Variants in CCDC148 observed in about 807,000 individuals in gnomAD.
CCDC148 encodes coiled-coil domain-containing protein 148.
Under a neutral mutation model 85.7 loss-of-function variants are expected in CCDC148, and 89 were observed. That is an observed-to-expected ratio of 1.04 (90% CI 0.87 to 1.24). The LOEUF (loss-of-function observed/expected upper bound fraction) is 1.24. Ranked by LOEUF, CCDC148 falls within the 50% of genes most tolerant of loss-of-function variation. CCDC148 has a pLI of 0.00. For missense variants in CCDC148, 692 were observed against 671.7 expected (o/e 1.03, Z -0.33); for synonymous variants, 230 against 213.9 (o/e 1.08, Z -0.66).
At chr2:158,225,146 G>A (rs1465486832) in intron 10 of CCDC148, among the ~76,000 whole-genome samples, 1 of 152,128 alleles carries the variant, frequency 6.6e-6, no homozygotes, top group African/African-American at 2.4e-5. Context: ...ACAGGCAGGG[G>A]TTGCAATCCT....
chr2:158,407,743 A>G (rs1012312586), intron 1 of CCDC148, among the ~76,000 whole-genome samples: 1 of 152,120 alleles, frequency 6.6e-6, no homozygotes, highest in Non-Finnish European at 1.5e-5. Flanking sequence ...TCACTATTAT[A>G]TGTCTGGGTT....
Position 158,302,908 on chromosome 2 carries a change from T to C in CCDC148, c.1110+6525A>G, listed in dbSNP as rs959357189. ...GGTTCAGGCAGTAGTCGGGGAAAAC[T>C]TGGGGGATCAAAGAGCAGGTTTCAT... On this transcript the variant is annotated intron_variant, in intron 9 of 13. Transcript: ENST00000283233. Among the ~76,000 whole-genome samples the C allele has an allele frequency of 5.9e-5, 9 of 152,208 alleles. No homozygotes were observed. The East Asian group carries it at 1.7e-3, about 29-fold the overall frequency.
Position 158,215,543 on chromosome 2 carries a change from CTTTTTTTTT to C in CCDC148, c.1370+5043_1370+5051del. Among the ~76,000 whole-genome samples, 4 of 144,910 alleles carry C rather than the reference CTTTTTTTTT, an allele frequency of 2.8e-5. No individual in the cohort carries two copies. In the South Asian group the frequency reaches 8.8e-4, roughly 32 times the overall value. On this transcript the variant is annotated intron_variant, in intron 11 of 13. Transcript: ENST00000283233. ...AAGGAGGCACCTTTTTCTTTTTTTT[CTTTTTTTTT>C]TTAAATTATACTTTAAAGTTCTAGG...
At chr2:158,356,135 A>C (rs1052380233) in intron 2 of CCDC148, among the ~76,000 whole-genome samples, 3 of 128,592 alleles carry the variant, frequency 2.3e-5, no homozygotes, top group Non-Finnish European at 4.7e-5. Context: ...CCCTAGAAGA[A>C]AACCTAGGCA....
intron 1 of CCDC148, chr2:158,419,890 C>G (rs1390936671): frequency 6.6e-6 from 1 of 152,056 alleles, no homozygotes; most frequent in East Asian, 1.9e-4. Context: ...TTTTCCCACC[C>G]CTAGAAAGGA....
At chr2:158,443,860 A>G (rs1373119515) in intron 1 of CCDC148, among the ~76,000 whole-genome samples, 1 of 152,192 alleles carries the variant, frequency 6.6e-6, no homozygotes. Context: ...ACACCTCCTG[A>G]CTTTGAGATC....
chr2:158,336,865 C>T (rs1415934137), intron 7 of CCDC148, among the ~76,000 whole-genome samples: 2 of 152,016 alleles, frequency 1.3e-5, no homozygotes, highest in South Asian at 4.2e-4. Context: ...AGAATGCCTC[C>T]CCACCGTCTT....
chr2:158,406,547 C>CACT (rs1441775265), intron 1 of CCDC148, among the ~76,000 whole-genome samples: 3 of 151,130 alleles, frequency 2.0e-5, no homozygotes, highest in African/African-American at 7.3e-5. Context: ...AGTACATATA[C>CACT]ACTTTCGGTA....
intron 7 of CCDC148, among the ~76,000 whole-genome samples, chr2:158,332,652 C>G (rs1389275881): frequency 2.0e-5 from 3 of 151,720 alleles, no homozygotes; most frequent in Admixed American, 2.0e-4. Flanking sequence ...GGCTGTGAAT[C>G]CATCTGGTCC....
chr2:158,433,339 G>A (rs915260448), intron 1 of CCDC148, among the ~76,000 whole-genome samples: 1 of 148,960 alleles, frequency 6.7e-6, no homozygotes, highest in Non-Finnish European at 1.5e-5. Context: ...TAAAACTTTT[G>A]TCATAAAGAC....
intron 1 of CCDC148, among the ~76,000 whole-genome samples, chr2:158,437,177 A>T (rs1323445619): frequency 6.6e-6 from 1 of 152,192 alleles, no homozygotes. Flanking sequence ...ACAACCAAAA[A>T]AGAGAATTTT....
intron 11 of CCDC148, among the ~76,000 whole-genome samples, chr2:158,197,969 A>T (rs558554968): frequency 6.6e-6 from 1 of 152,290 alleles, no homozygotes; most frequent in South Asian, 2.1e-4. Flanking sequence ...ACCCTATTCA[A>T]GCTCTACAAT....
intron 9 of CCDC148, among the ~76,000 whole-genome samples, chr2:158,254,449 T>G (rs1688928500): frequency 6.6e-6 from 1 of 151,636 alleles, no homozygotes; most frequent in Admixed American, 6.6e-5. Context: ...ATAAAACAAA[T>G]TTGACTAACG....
intron 1 of CCDC148, chr2:158,424,738 C>A: frequency 4.7e-6 from 1 of 211,416 alleles, no homozygotes; most frequent in Non-Finnish European, 9.5e-6. Context: ...GGGAAAGAAT[C>A]CCCCAAAAAG....
chr2:158,351,544 A>C (rs1466603713), intron 2 of CCDC148, among the ~76,000 whole-genome samples: 1 of 152,154 alleles, frequency 6.6e-6, no homozygotes, highest in Non-Finnish European at 1.5e-5. Context: ...GCATCACGAG[A>C]TTATATCCCG....
In CCDC148 at chr2:158,311,116, C is replaced by T. The variant is rs541530973; in HGVS notation, c.904-1477G>A. Among the ~76,000 whole-genome samples the T allele has an allele frequency of 3.9e-5, 6 of 152,310 alleles. No homozygotes were observed. In the South Asian group the frequency reaches 8.3e-4, roughly 21 times the overall value. On this transcript the variant is annotated intron_variant, in intron 8 of 13. Coordinates refer to ENST00000283233, the MANE Select transcript of CCDC148 (RefSeq NM_138803.4). ...ATCTCAGCACTTTGGGAGGCCAAGG[C>T]AGGCGGCTGGGAGGTGGAGGTTGTA...
intron 9 of CCDC148, among the ~76,000 whole-genome samples, chr2:158,277,397 T>C (rs1690002844): frequency 6.6e-6 from 1 of 152,138 alleles, no homozygotes; most frequent in Non-Finnish European, 1.5e-5. Flanking sequence ...CAAATTAAGC[T>C]AATGTTTTGT....
At chr2:158,279,587 A>G (rs1213705116) in intron 9 of CCDC148, among the ~76,000 whole-genome samples, 1 of 152,176 alleles carries the variant, frequency 6.6e-6, no homozygotes, top group African/African-American at 2.4e-5. Context: ...AAAAGAATAA[A>G]AAGAAATGAA....
At chr2:158,358,890 C>T (rs898447720) in intron 1 of CCDC148, among the ~76,000 whole-genome samples, 4 of 151,884 alleles carry the variant, frequency 2.6e-5, no homozygotes, top group African/African-American at 7.3e-5. Context: ...ACTGTTAACC[C>T]ATTCTTTTTA....
Sources: gnomAD v4.1 joint callset for allele counts (sites outside exome capture counted in the v4.1 genomes callset) on GRCh38, gnomAD v4.1.1 for gene constraint, MANE v1.5 for transcripts, NCBI Gene and HGNC (gene_info 2026-07-23, HGNC 2026-07-21) for gene names.